SEC14L2: variants seen among roughly 807,000 people sequenced by gnomAD.
SEC14L2 encodes SEC14-like protein 2.
Under a neutral mutation model 56.9 loss-of-function variants are expected in SEC14L2, and 50 were observed. The ratio of observed to expected loss-of-function variants is 0.88; its 90% confidence interval spans 0.70 to 1.11. The LOEUF is 1.11. Among genes scored for constraint, SEC14L2 ranks in the 50% most tolerant of loss-of-function variants. The probability of loss-of-function intolerance (pLI) is 0.00; values close to 1 mark genes in which losing one functional copy is unlikely to be tolerated. For synonymous variants in SEC14L2, 179 were observed against 188.5 expected (o/e 0.95, Z 0.41); for missense variants, 414 against 500.7 (o/e 0.83, Z 1.65).
chr22:30,398,401 G>A (rs925751761), intron 1 of SEC14L2, among the ~76,000 whole-genome samples: 29 of 152,166 alleles, frequency 1.9e-4, no homozygotes, highest in Non-Finnish European at 1.8e-4. Context: ...GAGGTGGCCA[G>A]TCCTCATTAG....
At chr22:30,410,528 G>C (rs564126366) in intron 7 of SEC14L2, 68 bp from the exon 8 acceptor site, 1 of 1,442,366 alleles carries the variant, frequency 6.9e-7, no homozygotes, top group East Asian at 2.3e-5. Flanking sequence ...AGCAGGTGCT[G>C]CAGAGGACGC....
At chr22:30,410,301 G>A (rs184650863) in intron 7 of SEC14L2, among the ~76,000 whole-genome samples, 2 of 152,270 alleles carry the variant, frequency 1.3e-5, no homozygotes, top group South Asian at 2.1e-4. Flanking sequence ...CTTCACATAC[G>A]CAGACTACTT....
chr22:30,397,775 TGTTA>T, intron 1 of SEC14L2: 1 of 460,636 alleles, frequency 2.2e-6, no homozygotes, highest in South Asian at 1.6e-5. Context: ...ACTGGGTTGG[TGTTA>T]GTTTGAGCTG....
rs751714234 is a variant in SEC14L2 at position 30,416,003 on chromosome 22, A to C, written c.827A>C (p.Gln276Pro). 1 of 1,614,264 alleles carries C rather than the reference A, an allele frequency of 6.2e-7. No homozygotes were observed. The highest frequency in any genetic ancestry group is 1.7e-5 in the Admixed American group (1 of 60,034). Residue 276 changes from glutamine (Q) to proline (P), a missense_variant, in exon 10 of 12, where the codon CAG (glutamine) becomes CCG (proline). By Grantham distance (76) the Gln-to-Pro change is moderately conservative (BLOSUM62 -1). Coordinates refer to ENST00000615189, the MANE Select transcript of SEC14L2 (RefSeq NM_012429.5). The part of the protein sequence containing the change: ...RKYYVRDQVK[Q>P]QYEHSVQISR... ...TATTATGTGCGAGACCAGGTGAAAC[A>C]GCAGTATGAACACAGCGTGCAGATT...
chr22:30,399,333 G>A (rs1383864443), intron 1 of SEC14L2, among the ~76,000 whole-genome samples: 2 of 151,882 alleles, frequency 1.3e-5, no homozygotes, highest in Non-Finnish European at 2.9e-5. Flanking sequence ...TGGCTAACAC[G>A]GTGAAACCCT....
chr22:30,407,715 T>A, intron 5 of SEC14L2, 112 bp downstream of exon 5: 4 of 526,968 alleles, frequency 7.6e-6, no homozygotes, highest in Non-Finnish European at 1.1e-5. Context: ...GGCCCAGCCT[T>A]TTTTTTTTTT....
intron 8 of SEC14L2, 76 bp from the exon 9 acceptor site, chr22:30,415,683 G>T (rs1042987499): frequency 1.4e-4 from 183 of 1,318,274 alleles, no homozygotes; most frequent in Non-Finnish European, 1.8e-4. Flanking sequence ...CCTCTTTAGT[G>T]TAGACCACTA....
At chr22:30,409,706 T>C (rs770977146) in intron 7 of SEC14L2, among the ~76,000 whole-genome samples, 4 of 151,984 alleles carry the variant, frequency 2.6e-5, no homozygotes, top group Admixed American at 2.0e-4. Flanking sequence ...GAGACCAGCC[T>C]GGGTAACACA....
chr22:30,414,420 G>T (rs1347055374), intron 8 of SEC14L2, among the ~76,000 whole-genome samples: 1 of 152,094 alleles, frequency 6.6e-6, no homozygotes, highest in Admixed American at 6.6e-5. Context: ...AACAGAGGGG[G>T]GAGATTCACT....
intron 8 of SEC14L2, among the ~76,000 whole-genome samples, chr22:30,411,742 C>CAA (rs60530235): frequency 5.9e-5 from 4 of 67,804 alleles, no homozygotes; most frequent in East Asian, 1.1e-3. Flanking sequence ...GACTCCGTCT[C>CAA]AAAAAAAAAA....
rs189440896 is a variant in SEC14L2 at position 30,401,534 on chromosome 22, G to A, written c.130+1816G>A. ...TTTTTATTATTTTTATTTTTTTTGA[G>A]ACAGAGTCTCACTCTGTCGCCCAGG... On this transcript the variant is annotated intron_variant, in intron 2 of 11. Coordinates refer to ENST00000615189, the MANE Select transcript of SEC14L2 (RefSeq NM_012429.5). Among the ~76,000 whole-genome samples the A allele has an allele frequency of 8.4e-3, 1,252 of 149,590 alleles. 8 individuals carry two copies. The highest frequency in any genetic ancestry group is 0.013 in the Admixed American group (201 of 14,982).
At chr22:30,418,907 C>T (rs2146041360) in intron 11 of SEC14L2, among the ~76,000 whole-genome samples, 1 of 152,348 alleles carries the variant, frequency 6.6e-6, no homozygotes, top group Non-Finnish European at 1.5e-5. Context: ...TAACCTTCCC[C>T]AGGCTTCTCT....
chr22:30,399,633 C>T lies in SEC14L2; in HGVS notation c.55-10C>T, dbSNP rs767290244. On this transcript the variant is annotated splice_polypyrimidine_tract_variant and intron_variant, in intron 1 of 11. Coordinates refer to ENST00000615189, the MANE Select transcript of SEC14L2 (RefSeq NM_012429.5). ...GGCCCTACCACTCACCCCGATGCCT[C>T]TCCCTACAGTTTCGGGAGAATGTCC... is the stretch of plus-strand genomic sequence containing the variant. 6.2e-7 allele frequency: 1 copy of T among 1,609,726 alleles called. No homozygotes were observed. The highest frequency in any genetic ancestry group is 1.1e-5 in the South Asian group (1 of 90,654).
intron 1 of SEC14L2, chr22:30,397,776 G>A (rs1037541275): frequency 8.6e-6 from 4 of 463,170 alleles, no homozygotes; most frequent in Middle Eastern, 3.3e-4. Flanking sequence ...CTGGGTTGGT[G>A]TTAGTTTGAG....
Position 30,416,765 on chromosome 22 carries a change from C to T in SEC14L2, c.1081+362C>T, listed in dbSNP as rs143306765. On this transcript the variant is annotated intron_variant, in intron 11 of 11. Coordinates refer to ENST00000615189, the MANE Select transcript of SEC14L2 (RefSeq NM_012429.5). ...CCAGAGGTCACAGAGACAGAACTGG[C>T]TGGGTGGGCATGGGATCACAAGGTA... 9.6e-5 allele frequency: 122 copies of T among 1,270,244 alleles called. No homozygotes were observed. The African/African-American group carries it at 1.7e-3, about 18-fold the overall frequency. 78.7% of individuals were successfully genotyped at this position (1,270,244 alleles called of 1,614,324 possible).
In SEC14L2 at chr22:30,397,035, C is replaced by T; in HGVS notation, c.-82C>T. The T allele has an allele frequency of 1.6e-6, 2 of 1,273,324 alleles. No individual in the cohort carries two copies. Among genetic ancestry groups the T allele is most frequent in the East Asian group, 2.6e-5 (1 of 38,022 alleles). The allele number at this position is 1,273,324 out of a possible 1,614,324, so 78.9% of individuals were successfully genotyped here. A position where few individuals can be genotyped will look rare whatever the true frequency, so the allele number is the denominator to read the frequency against. ...AAGGCTGGGACTTTACTCCGGGTGGCGGCGAGGACGAGTCTGTGCTCCATC... is the reference window on the plus strand; with the variant it reads ...AAGGCTGGGACTTTACTCCGGGTGGTGGCGAGGACGAGTCTGTGCTCCATC... On this transcript the variant is annotated 5_prime_UTR_variant, in exon 1 of 12. Transcript: ENST00000615189.
intron 2 of SEC14L2, among the ~76,000 whole-genome samples, chr22:30,402,667 C>A (rs1933971527): frequency 1.3e-5 from 2 of 151,976 alleles, no homozygotes; most frequent in African/African-American, 4.8e-5. Context: ...GTCTCCTCTG[C>A]ATTTCATTTG....
chr22:30,397,054 C>T lies in SEC14L2; in HGVS notation c.-63C>T. The T allele has an allele frequency of 2.8e-6, 4 of 1,425,584 alleles. No individual in the cohort carries two copies. In the South Asian group the frequency reaches 4.9e-5, roughly 17 times the overall value. The allele number at this position is 1,425,584 out of a possible 1,614,324, so 88.3% of individuals were successfully genotyped here. On this transcript the variant is annotated 5_prime_UTR_variant, in exon 1 of 12. Transcript: ENST00000615189. The stretch of plus-strand genomic sequence containing the variant: ...GGGTGGCGGCGAGGACGAGTCTGTG[C>T]TCCATCAGCTGCCGCACCCGCCGCC...
At chr22:30,408,428 C>T (rs1448042712) in intron 5 of SEC14L2, among the ~76,000 whole-genome samples, 14 of 151,638 alleles carry the variant, frequency 9.2e-5, no homozygotes, top group Non-Finnish European at 1.3e-4. Flanking sequence ...CCTGTCTCTA[C>T]AAAAAAAAGT....
Sources: allele counts gnomAD v4.1 joint callset (sites outside exome capture counted in the v4.1 genomes callset), GRCh38; gene constraint gnomAD v4.1.1; transcripts MANE v1.5; gene names NCBI Gene and HGNC (gene_info 2026-07-23, HGNC 2026-07-21).